Variants in SGCD observed in about 807,000 individuals in gnomAD.
The protein encoded by SGCD is sarcoglycan delta, also known as delta-sarcoglycan.
A neutral mutation model predicts 36.6 loss-of-function variants in SGCD; 18 were observed. The ratio of observed to expected loss-of-function variants is 0.49; its 90% CI spans 0.34 to 0.73. The LOEUF (loss-of-function observed/expected upper bound fraction) is 0.73. Ranked by LOEUF, SGCD falls within the 30% of genes least tolerant of loss-of-function variation. The pLI is 0.01. For synonymous variants in SGCD, 133 were observed against 130.6 expected (o/e 1.02, Z -0.12); for missense variants, 387 against 346.7 (o/e 1.12, Z -0.92).
At chr5:156,605,123 A>G (rs966393345) in intron 6 of SGCD, among the ~76,000 whole-genome samples, 6 of 152,054 alleles carry the variant, frequency 3.9e-5, no homozygotes, top group Non-Finnish European at 4.4e-5. Flanking sequence ...CTATGTATAC[A>G]TGTGCCATGT....
chr5:155,946,045 G>T (rs540519665), intron 1 of SGCD, among the ~76,000 whole-genome samples: 6 of 152,164 alleles, frequency 3.9e-5, no homozygotes, highest in African/African-American at 1.2e-4. Context: ...GGAAACTGAG[G>T]GTACATGCAG....
chr5:156,544,107 G>A (rs972927244), intron 4 of SGCD, among the ~76,000 whole-genome samples: 12 of 152,138 alleles, frequency 7.9e-5, no homozygotes, highest in African/African-American at 2.9e-4. Flanking sequence ...ACAAGGAGTC[G>A]GATACCCAGT....
At chr5:156,514,168 G>T (rs757771935) in intron 4 of SGCD, among the ~76,000 whole-genome samples, 4 of 152,170 alleles carry the variant, frequency 2.6e-5, no homozygotes, top group Non-Finnish European at 5.9e-5. Context: ...TGTGAGTAAA[G>T]GTCTCCTTAG....
At chr5:156,028,221 C>T (rs747678449) in intron 1 of SGCD, among the ~76,000 whole-genome samples, 1 of 152,084 alleles carries the variant, frequency 6.6e-6, no homozygotes, top group Non-Finnish European at 1.5e-5. Context: ...ATGGCAGTAT[C>T]GAAGACAGGG....
chr5:155,930,836 A>G (rs1402215573), intron 1 of SGCD, among the ~76,000 whole-genome samples: 3 of 152,230 alleles, frequency 2.0e-5, no homozygotes, highest in Non-Finnish European at 4.4e-5. Context: ...AGATTAAAGT[A>G]TTCTTACTCT....
Position 156,258,450 on chromosome 5 carries a change from A to C in SGCD, c.-43-71084A>C, listed in dbSNP as rs146324010. On this transcript the variant is annotated intron_variant, in intron 3 of 9. Transcript: ENST00000517913. ...TAATTGAGTAAATAAAAGTTCATTG[A>C]TATGATTTGATTCCATATTGCAGCC... Among the ~76,000 whole-genome samples the C allele has an allele frequency of 2.2e-3, 342 of 152,328 alleles. 1 individual carries two copies. In the Middle Eastern group the frequency reaches 0.024, roughly 11 times the overall value.
intron 3 of SGCD, among the ~76,000 whole-genome samples, chr5:156,320,107 G>GTGTGTA (rs1377958351): frequency 1.1e-4 from 17 of 151,486 alleles, no homozygotes; most frequent in Admixed American, 5.9e-4. Flanking sequence ...ATGTGTGTGT[G>GTGTGTA]TGTGTGTGTG....
At chr5:156,756,173 T>C (rs1411586685) in intron 7 of SGCD, among the ~76,000 whole-genome samples, 2 of 152,220 alleles carry the variant, frequency 1.3e-5, no homozygotes, top group African/African-American at 4.8e-5. Flanking sequence ...TTGAGAACCA[T>C]TGCTGAGGTC....
At chr5:156,293,848 A>G (rs1328453798) in intron 3 of SGCD, among the ~76,000 whole-genome samples, 1 of 152,158 alleles carries the variant, frequency 6.6e-6, no homozygotes, top group East Asian at 1.9e-4. Flanking sequence ...ACTGCAAGAA[A>G]GAAAGAAAAG....
intron 4 of SGCD, among the ~76,000 whole-genome samples, chr5:156,559,362 A>T (rs905392965): frequency 1.3e-5 from 2 of 152,178 alleles, no homozygotes; most frequent in Non-Finnish European, 1.5e-5. Context: ...GAAAGGTATC[A>T]GTAGGTCAGA....
chr5:156,221,738 G>A (rs1039753200), intron 3 of SGCD, among the ~76,000 whole-genome samples: 3 of 151,992 alleles, frequency 2.0e-5, no homozygotes. Flanking sequence ...GATGATAATA[G>A]CAGTGCTTTT....
chr5:155,811,099 G>A, the SGCD span, among the ~76,000 whole-genome samples: 1 of 151,994 alleles, frequency 6.6e-6, no homozygotes, highest in Non-Finnish European at 1.5e-5. Flanking sequence ...TTACAGGCGT[G>A]AGCCACCGCG....
At chr5:156,623,023 AATATAC>A (rs1762314764) in intron 6 of SGCD, among the ~76,000 whole-genome samples, 2 of 152,122 alleles carry the variant, frequency 1.3e-5, no homozygotes, top group African/African-American at 2.4e-5. Context: ...CATAGCCACA[AATATAC>A]ATATATATTT....
At chr5:156,458,695 CTTG>C (rs528288627) in intron 3 of SGCD, among the ~76,000 whole-genome samples, 94 of 152,214 alleles carry the variant, frequency 6.2e-4, no homozygotes, top group Admixed American at 1.6e-3. Context: ...CACAAGTTAC[CTTG>C]TTAAGAGCTC....
chr5:156,654,867 A>G (rs1763612455), intron 7 of SGCD, among the ~76,000 whole-genome samples: 1 of 152,184 alleles, frequency 6.6e-6, no homozygotes. Flanking sequence ...TATAGTTACC[A>G]CAACTAAGAA....
chr5:156,367,574 T>C (rs1297761842), intron 3 of SGCD, among the ~76,000 whole-genome samples: 1 of 152,226 alleles, frequency 6.6e-6, no homozygotes, highest in Non-Finnish European at 1.5e-5. Flanking sequence ...TTTTGCAACA[T>C]ATTGGAACAT....
At chr5:156,695,967 C>T (rs954460327) in intron 7 of SGCD, among the ~76,000 whole-genome samples, 2 of 152,194 alleles carry the variant, frequency 1.3e-5, no homozygotes, top group African/African-American at 4.8e-5. Flanking sequence ...CCTGTTTTGT[C>T]AACATGAAAC....
intron 1 of SGCD, among the ~76,000 whole-genome samples, chr5:155,902,998 G>A (rs1178897548): frequency 6.6e-6 from 1 of 152,146 alleles, no homozygotes; most frequent in Non-Finnish European, 1.5e-5. Context: ...TTTTGACCAA[G>A]TCTTTGGGCA....
chr5:156,158,325 T>C (rs1227343831), intron 3 of SGCD, among the ~76,000 whole-genome samples: 2 of 151,664 alleles, frequency 1.3e-5, no homozygotes, highest in African/African-American at 4.9e-5. Flanking sequence ...ATAACTTTTT[T>C]CTGTGAAGTC....
Sources: gnomAD v4.1 joint callset for allele counts (sites outside exome capture counted in the v4.1 genomes callset) on GRCh38, gnomAD v4.1.1 for gene constraint, MANE v1.5 for transcripts, NCBI Gene and HGNC (gene_info 2026-07-23, HGNC 2026-07-21) for gene names.